Variants in TLL2 observed in about 807,000 individuals in gnomAD.
The protein encoded by TLL2 is tolloid-like protein 2.
In TLL2, 106 loss-of-function variants were observed where a neutral mutation model predicts 123.0. The ratio of observed to expected loss-of-function variants is 0.86; its 90% CI spans 0.74 to 1.01. The LOEUF is 1.01. Among genes scored for constraint, TLL2 ranks in the 50% least tolerant of loss-of-function variants. The probability of loss-of-function intolerance (pLI) is 0.00; values close to 1 mark genes in which losing one functional copy is unlikely to be tolerated. For synonymous variants in TLL2, 494 were observed against 516.8 expected, an observed-to-expected ratio of 0.96 and a Z score of 0.60; for missense variants, 1,332 against 1,336.7, an observed-to-expected ratio of 1.00 and a Z score of 0.06.
chr10:96,503,527 C>T (rs766597621), intron 1 of TLL2, among the ~76,000 whole-genome samples: 7 of 152,174 alleles, frequency 4.6e-5, no homozygotes, highest in Non-Finnish European at 8.8e-5. Context: ...ATCTCTACAA[C>T]AGGATGCTCA....
chr10:96,484,741 C>T (rs7910816), intron 1 of TLL2, among the ~76,000 whole-genome samples: 132,121 of 152,164 alleles, frequency 0.87, 57,374 homozygotes, highest in Middle Eastern at 0.97. Flanking sequence ...GCCCTGTACT[C>T]GACACATAGA....
chr10:96,434,669 G>A (rs1194675562), intron 3 of TLL2, among the ~76,000 whole-genome samples: 1 of 152,318 alleles, frequency 6.6e-6, no homozygotes, highest in Non-Finnish European at 1.5e-5. Flanking sequence ...CATTTTTGTG[G>A]ACATAGTTTT....
chr10:96,465,838 CT>C (rs950176934), intron 2 of TLL2, among the ~76,000 whole-genome samples: 1 of 152,212 alleles, frequency 6.6e-6, no homozygotes, highest in African/African-American at 2.4e-5. Context: ...TTACGCAACT[CT>C]GTTGATCGTT....
intron 3 of TLL2, among the ~76,000 whole-genome samples, chr10:96,436,096 TATAGTAA>T (rs1249523318): frequency 2.6e-5 from 4 of 152,246 alleles, no homozygotes; most frequent in Non-Finnish European, 5.9e-5. Flanking sequence ...TAAAAGGCCA[TATAGTAA>T]ATATTTTAAG....
intron 9 of TLL2, 145 bp downstream of exon 9, chr10:96,410,214 C>T (rs1846487227): frequency 8.0e-6 from 5 of 627,914 alleles, no homozygotes; most frequent in South Asian, 2.0e-5. Context: ...AAATAATGAA[C>T]GTACAGCAAA....
intron 1 of TLL2, among the ~76,000 whole-genome samples, chr10:96,508,263 C>A (rs1288272891): frequency 6.6e-6 from 1 of 152,194 alleles, no homozygotes; most frequent in Non-Finnish European, 1.5e-5. Context: ...GCACACTGGC[C>A]CAGAGCTGCT....
At chr10:96,383,193 T>C (rs754435490) in intron 16 of TLL2, among the ~76,000 whole-genome samples, 4 of 152,128 alleles carry the variant, frequency 2.6e-5, no homozygotes, top group Non-Finnish European at 5.9e-5. Flanking sequence ...AGAATGGGCT[T>C]TTTCTACAGC....
intron 13 of TLL2, among the ~76,000 whole-genome samples, chr10:96,394,230 G>A (rs1161258803): frequency 6.6e-6 from 1 of 152,176 alleles, no homozygotes; most frequent in African/African-American, 2.4e-5. Context: ...TAGGGGGGCT[G>A]GGGAAGTGGG....
chr10:96,427,773 G>A (rs906571579), intron 5 of TLL2, among the ~76,000 whole-genome samples: 4 of 151,824 alleles, frequency 2.6e-5, no homozygotes, highest in Admixed American at 6.6e-5. Context: ...GTTGGGTTTG[G>A]TTTTTTTTGT....
intron 2 of TLL2, among the ~76,000 whole-genome samples, chr10:96,467,562 ATT>A (rs1449882226): frequency 6.6e-6 from 1 of 152,154 alleles, no homozygotes; most frequent in African/African-American, 2.4e-5. Flanking sequence ...GTCAACAAGA[ATT>A]CACCACAGTG....
chr10:96,414,929 C>T (rs982049609), intron 7 of TLL2, among the ~76,000 whole-genome samples: 5 of 152,148 alleles, frequency 3.3e-5, no homozygotes, highest in Non-Finnish European at 7.3e-5. Context: ...ATTGCCATAG[C>T]TCAAGTGATC....
chr10:96,510,181 C>T (rs1247987533), intron 1 of TLL2, among the ~76,000 whole-genome samples: 1 of 152,192 alleles, frequency 6.6e-6, no homozygotes, highest in Non-Finnish European at 1.5e-5. Context: ...GATAGGCAGG[C>T]AGGCAGGAAC....
At chr10:96,406,165 G>A (rs1195299322) in intron 9 of TLL2, among the ~76,000 whole-genome samples, 1 of 152,122 alleles carries the variant, frequency 6.6e-6, no homozygotes, top group Non-Finnish European at 1.5e-5. Flanking sequence ...TCAGCACACA[G>A]GTGCTGTACC....
In TLL2 at chr10:96,395,920, C is replaced by T. The variant is rs140598941; in HGVS notation, c.1485G>A (p.Thr495=). The part of the protein sequence containing the change: ...RPSKECVWRI[T]VSEGFHVGLT... ...GTCCCACGTGAAACCCCTCTGAAAC[C>T]GTAATCCTCCAGACACATTCCTTGG... Residue 495 remains threonine, a synonymous_variant, in exon 12 of 21, where the codon ACG becomes ACA. Transcript: ENST00000357947. 1,023 of 1,614,068 alleles carry T rather than the reference C, an allele frequency of 6.3e-4. 9 individuals are homozygous for T. Among genetic ancestry groups the T allele is most frequent in the Admixed American group, 1.6e-3 (99 of 60,002 alleles).
intron 1 of TLL2, among the ~76,000 whole-genome samples, chr10:96,489,673 T>C (rs1380642177): frequency 6.6e-6 from 1 of 152,258 alleles, no homozygotes; most frequent in Non-Finnish European, 1.5e-5. Context: ...TTTTAATTAA[T>C]TTAAGTTTAA....
intron 1 of TLL2, among the ~76,000 whole-genome samples, chr10:96,502,305 A>G (rs1031269447): frequency 6.6e-6 from 1 of 152,196 alleles, no homozygotes; most frequent in African/African-American, 2.4e-5. Context: ...AAGGATCCTA[A>G]GCAGGTCTGA....
At chr10:96,479,271 C>T (rs567564593) in intron 2 of TLL2, among the ~76,000 whole-genome samples, 1 of 152,222 alleles carries the variant, frequency 6.6e-6, no homozygotes, top group Non-Finnish European at 1.5e-5. Context: ...CAGCCACTGG[C>T]GATGAGGTCC....
intron 6 of TLL2, among the ~76,000 whole-genome samples, chr10:96,421,663 CAAA>C (rs35084852): frequency 1.7e-5 from 2 of 119,916 alleles, no homozygotes; most frequent in Non-Finnish European, 1.7e-5. Context: ...GACTCTGTCT[CAAA>C]AAAAAAAAAA....
chr10:96,397,246 A>AG lies in TLL2; in HGVS notation c.1323dup (p.Trp442LeufsTer42). On this transcript the variant is annotated frameshift_variant, in exon 11 of 21. Coordinates refer to ENST00000357947, the MANE Select transcript of TLL2 (RefSeq NM_012465.4). LOFTEE classifies it high-confidence loss of function. ...TTGCTGCTGCTGCGGAACTCCACCC[A>AG]GAGCCGGCTGTCCGTGGAGACGAGG... 1 of 1,613,920 alleles carries AG rather than the reference A, an allele frequency of 6.2e-7. No homozygotes were observed. Among genetic ancestry groups the AG allele is most frequent in the Non-Finnish European group, 8.5e-7 (1 of 1,179,840 alleles).
Sources: gnomAD v4.1 joint callset for allele counts (sites outside exome capture counted in the v4.1 genomes callset) on GRCh38, gnomAD v4.1.1 for gene constraint, MANE v1.5 for transcripts, NCBI Gene and HGNC (gene_info 2026-07-23, HGNC 2026-07-21) for gene names.